The following MARCHF10 variants were observed in gnomAD, a reference collection of about 807,000 sequenced individuals.
MARCHF10 encodes membrane associated ring-CH-type finger 10, also known as probable E3 ubiquitin-protein ligase MARCHF10.
A neutral mutation model predicts 76.2 loss-of-function variants in MARCHF10; 64 were observed. The observed-to-expected ratio is 0.84, with a 90% CI of 0.69 to 1.03. MARCHF10 has a LOEUF of 1.03. Ranked by LOEUF, MARCHF10 falls within the 50% of genes least tolerant of loss-of-function variation. The probability of loss-of-function intolerance (pLI) is 0.00; values close to 1 mark genes in which losing one functional copy is unlikely to be tolerated. For synonymous variants in MARCHF10, 340 were observed against 357.5 expected (o/e 0.95, Z 0.55); for missense variants, 875 against 958.0 (o/e 0.91, Z 1.14).
At position 62,711,277 on chromosome 17, in the gene MARCHF10, A is replaced by G. The variant is rs562411069; in HGVS notation, c.2282T>C (p.Phe761Ser). ...VLLLHLYEQR[F>S]AELMRLNHNQ... ...GTGGTTGAGCCTCATGAGTTCTGCA[A>G]ACCTCTGCTCATAGAGGTGAAGCAG... The change falls in exon 9 of 11, where the codon TTT (phenylalanine) becomes TCT (serine). Residue 761 changes from phenylalanine (F) to serine (S), a missense_variant. Phe to Ser is a radical substitution (Grantham distance 155, BLOSUM62 -2). Transcript: ENST00000311269. This position sits in a 1 kb window ranked among gnomAD's most constrained non-coding sequence, Gnocchi z 4.4. 15 of 1,614,064 alleles carry G rather than the reference A, an allele frequency of 9.3e-6. No homozygotes were observed. The highest frequency in any genetic ancestry group is 8.3e-5 in the Admixed American group (5 of 60,018).
chr17:62,802,866 G>A (rs1376548157), intron 1 of MARCHF10, among the ~76,000 whole-genome samples: 1 of 152,188 alleles, frequency 6.6e-6, no homozygotes, highest in African/African-American at 2.4e-5. Flanking sequence ...CTCCCATGGG[G>A]CCTCAAAGGT....
intron 2 of MARCHF10, 121 bp downstream of exon 2, chr17:62,801,525 T>A: frequency 1.6e-6 from 1 of 611,950 alleles, no homozygotes; most frequent in Non-Finnish European, 2.9e-6. Flanking sequence ...GTTACATACC[T>A]AATCGGTGGG....
intron 4 of MARCHF10, chr17:62,746,802 C>A (rs370309903): frequency 2.8e-6 from 3 of 1,083,944 alleles, no homozygotes; most frequent in East Asian, 2.6e-5. Flanking sequence ...AAAGTTCCCA[C>A]GCACCCCAGG....
At chr17:62,730,681 G>T (rs538529274) in intron 6 of MARCHF10, among the ~76,000 whole-genome samples, 1 of 152,276 alleles carries the variant, frequency 6.6e-6, no homozygotes, top group East Asian at 1.9e-4. Flanking sequence ...GGATCACAAG[G>T]TCAGGAGTTC....
intron 8 of MARCHF10, among the ~76,000 whole-genome samples, chr17:62,713,892 AT>A (rs1403837846): frequency 1.3e-5 from 2 of 152,176 alleles, no homozygotes; most frequent in Non-Finnish European, 2.9e-5. Flanking sequence ...GGCTCCGGAG[AT>A]CTCAGCCCAC....
chr17:62,723,327 C>T (rs1354363669), intron 7 of MARCHF10, among the ~76,000 whole-genome samples: 1 of 151,144 alleles, frequency 6.6e-6, no homozygotes, highest in Non-Finnish European at 1.5e-5. Flanking sequence ...CAGACAGTTT[C>T]TCCCCCTTAG....
intron 9 of MARCHF10, among the ~76,000 whole-genome samples, chr17:62,709,713 C>G (rs1383227452): frequency 6.6e-6 from 1 of 152,156 alleles, no homozygotes; most frequent in African/African-American, 2.4e-5. Context: ...GTGAATTTAA[C>G]AAGAGCCAGT....
At chr17:62,719,342 TTAAG>T (rs1474611626) in intron 8 of MARCHF10, among the ~76,000 whole-genome samples, 1 of 152,238 alleles carries the variant, frequency 6.6e-6, no homozygotes, top group Non-Finnish European at 1.5e-5. Flanking sequence ...TTTTTTGGCA[TTAAG>T]TATTTGCCTA....
At chr17:62,751,383 T>A (rs2091894156) in intron 4 of MARCHF10, among the ~76,000 whole-genome samples, 1 of 152,176 alleles carries the variant, frequency 6.6e-6, no homozygotes, top group Non-Finnish European at 1.5e-5. Context: ...CTGGGACTTC[T>A]TAGCAATGCA....
intron 3 of MARCHF10, among the ~76,000 whole-genome samples, chr17:62,767,062 G>A (rs933964350): frequency 1.3e-5 from 2 of 152,260 alleles, no homozygotes; most frequent in East Asian, 1.9e-4. Context: ...AAGAGCAGGC[G>A]TGATTCTAGG....
chr17:62,748,805 G>C (rs1175216683), intron 4 of MARCHF10, among the ~76,000 whole-genome samples: 2 of 152,192 alleles, frequency 1.3e-5, no homozygotes, highest in African/African-American at 4.8e-5. Context: ...TGCATGAAAA[G>C]TGAATCAAAT....
Position 62,736,285 on chromosome 17 carries a change from T to C in MARCHF10, c.1583A>G (p.His528Arg), listed in dbSNP as rs2091259067. 3.1e-6 allele frequency: 5 copies of C among 1,614,200 alleles called. No individual in the cohort carries two copies. Among genetic ancestry groups the C allele is most frequent in the Non-Finnish European group, 4.2e-6 (5 of 1,180,034 alleles). Residue 528 changes from histidine (H) to arginine (R), a missense_variant, in exon 6 of 11, where the codon CAT (histidine) becomes CGT (arginine). His to Arg is a conservative substitution (Grantham distance 29). Coordinates refer to ENST00000311269, the MANE Select transcript of MARCHF10 (RefSeq NM_152598.4). ...TGCACTGTTTACTGGGAAATAATTA[T>C]GGTTTTCGGCACTGGCAAATGGAGT... ...NRTPFASAENHNYFPVNSAHE... is the reference protein window; with the variant it reads ...NRTPFASAENRNYFPVNSAHE...
chr17:62,792,115 T>C (rs548442902), intron 2 of MARCHF10, among the ~76,000 whole-genome samples: 1 of 152,128 alleles, frequency 6.6e-6, no homozygotes, highest in South Asian at 2.1e-4. Flanking sequence ...CCCTCCTCCA[T>C]TGGTGTTGAC....
intron 4 of MARCHF10, among the ~76,000 whole-genome samples, chr17:62,750,937 C>T (rs1004723625): frequency 6.6e-6 from 1 of 152,206 alleles, no homozygotes; most frequent in African/African-American, 2.4e-5. Context: ...CTCTCTCCCT[C>T]AATCCTCCAG....
chr17:62,805,582 A>G (rs2093150314), intron 1 of MARCHF10, among the ~76,000 whole-genome samples: 1 of 152,142 alleles, frequency 6.6e-6, no homozygotes, highest in Non-Finnish European at 1.5e-5. Flanking sequence ...AGGAAGTAGC[A>G]CCCTTTGAAT....
intron 9 of MARCHF10, among the ~76,000 whole-genome samples, chr17:62,709,070 G>A (rs1378929326): frequency 2.0e-5 from 3 of 152,152 alleles, no homozygotes; most frequent in Non-Finnish European, 1.5e-5. Context: ...AGCTCTTTAC[G>A]GAAAGGGACA....
At chr17:62,713,597 T>C (rs114943719) in intron 8 of MARCHF10, among the ~76,000 whole-genome samples, 2,094 of 152,306 alleles carry the variant, frequency 0.014, 47 homozygotes, top group African/African-American at 0.046. Context: ...AGGCGTGTGA[T>C]AGTCAACTCC....
At chr17:62,767,681 C>T (rs1025977977) in intron 3 of MARCHF10, among the ~76,000 whole-genome samples, 1 of 151,970 alleles carries the variant, frequency 6.6e-6, no homozygotes, top group African/African-American at 2.4e-5. Flanking sequence ...GAACTACTGA[C>T]CTCAAGTGAT....
chr17:62,704,961 T>TTTTTA, intron 10 of MARCHF10: 11 of 925,270 alleles, frequency 1.2e-5, no homozygotes, highest in Non-Finnish European at 1.4e-5. Flanking sequence ...TTTTTTTTTT[T>TTTTTA]AATGGAAAAA....
Sources: gnomAD v4.1 joint callset for allele counts (sites outside exome capture counted in the v4.1 genomes callset) on GRCh38, gnomAD v4.1.1 for gene constraint, Gnocchi (gnomAD v3.1) non-coding constraint, MANE v1.5 for transcripts, NCBI Gene and HGNC (gene_info 2026-07-23, HGNC 2026-07-21) for gene names.